PIANP: variants seen among roughly 807,000 people sequenced by gnomAD.
PIANP encodes the protein PILR alpha associated neural protein.
A neutral mutation model predicts 28.9 loss-of-function variants in PIANP; 14 were observed. The observed-to-expected ratio is 0.49, with a 90% confidence interval of 0.32 to 0.76. The LOEUF (loss-of-function observed/expected upper bound fraction) is 0.76, where lower values mean the gene tolerates loss of function less well. Among genes scored for constraint, PIANP ranks in the 30% least tolerant of loss-of-function variants. PIANP has a pLI of 0.03. For synonymous variants in PIANP, 149 were observed against 156.6 expected, an observed-to-expected ratio of 0.95 and a Z score of 0.36; for missense variants, 322 against 371.8, an observed-to-expected ratio of 0.87 and a Z score of 1.10.
chr12:6,694,995 C>T lies in PIANP; in HGVS notation c.*431G>A, dbSNP rs1249421544. 6.5e-7 allele frequency: 1 copy of T among 1,542,396 alleles called. No homozygotes were observed. Among genetic ancestry groups the T allele is most frequent in the Non-Finnish European group, 8.8e-7 (1 of 1,142,450 alleles). ...TCAGTGGGATGGGGGCTGTGCCGGCCCCTTGGCCTCCTGCTTGGCTGCACC... is the reference window on the plus strand; with the variant it reads ...TCAGTGGGATGGGGGCTGTGCCGGCTCCTTGGCCTCCTGCTTGGCTGCACC... On this transcript the variant is annotated 3_prime_UTR_variant, in exon 5 of 5. Coordinates refer to ENST00000534837, the MANE Select transcript of PIANP (RefSeq NM_001244014.2). The surrounding 1 kb of genome is among the most constrained non-coding windows in gnomAD (Gnocchi z 6.1).
chr12:6,698,942 G>A (rs182329449), intron 1 of PIANP, among the ~76,000 whole-genome samples: 345 of 152,272 alleles, frequency 2.3e-3, no homozygotes, highest in African/African-American at 7.8e-3. Context: ...TGTGGATTCT[G>A]GGTCTAAATC....
Position 6,697,591 on chromosome 12 carries a change from G to C in PIANP, c.219C>G (p.Val73=), listed in dbSNP as rs1182659549. 6.3e-7 allele frequency: 1 copy of C among 1,583,970 alleles called. No homozygotes were observed. The highest frequency in any genetic ancestry group is 1.1e-5 in the South Asian group (1 of 87,356). The change falls in exon 3 of 5, where the codon GTC becomes GTG. Residue 73 remains valine (V), a synonymous_variant. Coordinates refer to ENST00000534837, the MANE Select transcript of PIANP (RefSeq NM_001244014.2). This position sits in a 1 kb window ranked among gnomAD's most constrained non-coding sequence, Gnocchi z 6.9. The part of the protein sequence containing the change: ...RAPPPSRSPR[V]PRSRRQVLPG... ...GCAGGACTTGCCGACGTGATCTTGG[G>C]ACCCGAGGAGATCGGCTTGGTGGAG... is the stretch of plus-strand genomic sequence containing the variant.
At chr12:6,693,484 A>T (rs966403641), downstream of PIANP, among the ~76,000 whole-genome samples, 3 of 151,542 alleles carry the variant, frequency 2.0e-5, no homozygotes, top group Admixed American at 6.6e-5. Flanking sequence ...TCCACCTCCT[A>T]TCCTTCCATG....
In PIANP at chr12:6,694,178, G is replaced by A. The variant is rs1338670835; in HGVS notation, c.*1248C>T. On this transcript the variant is annotated 3_prime_UTR_variant, in exon 5 of 5. Transcript: ENST00000534837. The surrounding 1 kb of genome is among the most constrained non-coding windows in gnomAD (Gnocchi z 6.1). Reference sequence around the variant, plus strand: ...AGGGAGGACTGGCTCAGGGGGCTCTGAAGTCCAGAGAATGGCACACACACA... The same window carrying A: ...AGGGAGGACTGGCTCAGGGGGCTCTAAAGTCCAGAGAATGGCACACACACA... 1 of 153,788 alleles carries A rather than the reference G, an allele frequency of 6.5e-6. No individual in the cohort carries two copies. The highest frequency in any genetic ancestry group is 1.5e-5 in the Non-Finnish European group (1 of 68,342). The allele number at this position is 153,788 out of a possible 1,614,324, so 9.5% of individuals were successfully genotyped here. A position where few individuals can be genotyped will look rare whatever the true frequency, so the allele number is the denominator to read the frequency against.
At chr12:6,699,689 C>G (rs1003967498) in intron 1 of PIANP, among the ~76,000 whole-genome samples, 2 of 150,870 alleles carry the variant, frequency 1.3e-5, no homozygotes, top group South Asian at 4.2e-4. Flanking sequence ...GGGGGGAAAG[C>G]CCAGGATGGG....
rs373803747 is a variant in PIANP at position 6,695,422 on chromosome 12, G to T, written c.*4C>A. On this transcript the variant is annotated 3_prime_UTR_variant, in exon 5 of 5. Transcript: ENST00000534837. This position sits in a 1 kb window ranked among gnomAD's most constrained non-coding sequence, Gnocchi z 4.2. ...TTTGCCCTCCCATCCCATTGCCCCT[G>T]CCCTCACCGGTTCAACTGGAAGGCT... 9.7e-4 allele frequency: 1,443 copies of T among 1,491,352 alleles called. 16 individuals carry two copies. Among genetic ancestry groups the T allele is most frequent in the South Asian group, 8.3e-3 (582 of 69,886 alleles). The allele number at this position is 1,491,352 out of a possible 1,614,324, so 92.4% of individuals were successfully genotyped here. A position where few individuals can be genotyped will look rare whatever the true frequency, so the allele number is the denominator to read the frequency against.
In PIANP at chr12:6,696,325, C is replaced by T; in HGVS notation, c.605+118G>A. On this transcript the variant is annotated intron_variant, in intron 4 of 4. Transcript: ENST00000534837. The surrounding 1 kb of genome is among the most constrained non-coding windows in gnomAD (Gnocchi z 4.0). ...TTATCTTTTCCCAAGGTCTTGCCTT[C>T]ATCCAGCATTTCCCACCCACCCCCC... 1.4e-6 allele frequency: 1 copy of T among 692,036 alleles called. No individual in the cohort carries two copies. The highest frequency in any genetic ancestry group is 2.3e-5 in the South Asian group (1 of 43,416). The allele number at this position is 692,036 out of a possible 1,614,324, so 42.9% of individuals were successfully genotyped here. A position where few individuals can be genotyped will look rare whatever the true frequency, so the allele number is the denominator to read the frequency against.
Position 6,695,534 on chromosome 12 carries a change from G to T in PIANP, c.723C>A (p.Ala241=). 1 of 1,584,102 alleles carries T rather than the reference G, an allele frequency of 6.3e-7. No homozygotes were observed. The highest frequency in any genetic ancestry group is 8.6e-7 in the Non-Finnish European group (1 of 1,164,118). Residue 241 remains alanine (A), a synonymous_variant, in exon 5 of 5, where the codon GCC becomes GCA. Coordinates refer to ENST00000534837, the MANE Select transcript of PIANP (RefSeq NM_001244014.2). The surrounding 1 kb of genome is among the most constrained non-coding windows in gnomAD (Gnocchi z 4.2). Reference sequence around the variant, plus strand: ...GGGTGGGGGTAGGTGAGTCCCCGAAGGCCCCCAGCACAGTGACTCCAGCCG... The same window carrying T: ...GGGTGGGGGTAGGTGAGTCCCCGAATGCCCCCAGCACAGTGACTCCAGCCG... ...LSPAGVTVLG[A]FGDSPTPTPD...
Position 6,695,206 on chromosome 12 carries a change from T to C in PIANP, c.*220A>G. ...TGAGAAAAAACCAAAGAGGGCAGAG[T>C]TGGAGTTATGGGCAGCAGAGAATAG... is the stretch of plus-strand genomic sequence containing the variant. On this transcript the variant is annotated 3_prime_UTR_variant, in exon 5 of 5. Transcript: ENST00000534837. The surrounding 1 kb of genome is among the most constrained non-coding windows in gnomAD (Gnocchi z 4.2). 2.1e-6 allele frequency: 3 copies of C among 1,450,972 alleles called. No individual in the cohort carries two copies. The highest frequency in any genetic ancestry group is 2.7e-6 in the Non-Finnish European group (3 of 1,094,934). The allele number at this position is 1,450,972 out of a possible 1,614,324, so 89.9% of individuals were successfully genotyped here. A position where few individuals can be genotyped will look rare whatever the true frequency, so the allele number is the denominator to read the frequency against.
chr12:6,692,198 C>T (rs1208453748), downstream of PIANP, among the ~76,000 whole-genome samples: 2 of 152,190 alleles, frequency 1.3e-5, no homozygotes, highest in African/African-American at 4.8e-5. Context: ...CAGTACCTTG[C>T]TGGTGTATTT....
chr12:6,693,818 T>G lies in PIANP; in HGVS notation c.*1608A>C, dbSNP rs1959757654. On this transcript the variant is annotated 3_prime_UTR_variant, in exon 5 of 5. Coordinates refer to ENST00000534837, the MANE Select transcript of PIANP (RefSeq NM_001244014.2). Reference sequence around the variant, plus strand: ...TCTTGCAAAGGCTTTATTTGAAAATTTTGAAACTTACATCCCACAGTAATT... The same window carrying G: ...TCTTGCAAAGGCTTTATTTGAAAATGTTGAAACTTACATCCCACAGTAATT... The G allele has an allele frequency of 6.6e-6, 1 of 152,594 alleles. No homozygotes were observed. Among genetic ancestry groups the G allele is most frequent in the Non-Finnish European group, 1.5e-5 (1 of 68,056 alleles). 9.5% of individuals were successfully genotyped at this position (152,594 alleles called of 1,614,324 possible). A position where few individuals can be genotyped will look rare whatever the true frequency, so the allele number is the denominator to read the frequency against.
rs780349942 is a variant in PIANP at position 6,697,651 on chromosome 12, C to T, written c.159G>A (p.Ser53=). 29 of 1,551,388 alleles carry T rather than the reference C, an allele frequency of 1.9e-5. No homozygotes were observed. Among genetic ancestry groups the T allele is most frequent in the Admixed American group, 4.0e-5 (2 of 50,558 alleles). ...ARPPCARGGP[S]APRHVCVWER... ...CCCACACGCACACATGACGTGGGGCCGAGGGGCCTCCCCTGGCACACGGGG... is the reference window on the plus strand; with the variant it reads ...CCCACACGCACACATGACGTGGGGCTGAGGGGCCTCCCCTGGCACACGGGG... Residue 53 remains serine (S), a synonymous_variant, in exon 3 of 5, where the codon TCG becomes TCA. Coordinates refer to ENST00000534837, the MANE Select transcript of PIANP (RefSeq NM_001244014.2). This position sits in a 1 kb window ranked among gnomAD's most constrained non-coding sequence, Gnocchi z 6.9.
rs930212379 is a variant in PIANP, at chr12:6,696,583, C to T, written c.524-59G>A. ...CCGAGGTGGTAGGAGCCAAGAGGGGCTGGGGGCTGGGCTGTGGGCTCTGTC... is the reference window on the plus strand; with the variant it reads ...CCGAGGTGGTAGGAGCCAAGAGGGGTTGGGGGCTGGGCTGTGGGCTCTGTC... On this transcript the variant is annotated intron_variant, in intron 3 of 4. Transcript: ENST00000534837. This position sits in a 1 kb window ranked among gnomAD's most constrained non-coding sequence, Gnocchi z 4.0. 5 of 1,287,442 alleles carry T rather than the reference C, an allele frequency of 3.9e-6. No individual in the cohort carries two copies. The highest frequency in any genetic ancestry group is 1.5e-5 in the South Asian group (1 of 65,966). The allele number at this position is 1,287,442 out of a possible 1,614,324, so 79.8% of individuals were successfully genotyped here.
Position 6,697,718 on chromosome 12 carries a change from C to T in PIANP, c.92G>A (p.Gly31Asp), listed in dbSNP as rs1192470261. 6.4e-7 allele frequency: 1 copy of T among 1,557,364 alleles called. No homozygotes were observed. Among genetic ancestry groups the T allele is most frequent in the Non-Finnish European group, 8.7e-7 (1 of 1,153,158 alleles). Residue 31 changes from glycine to aspartate, a missense_variant, in exon 3 of 5, where the codon GGC becomes GAC. Physicochemically the swap from Gly to Asp is moderately conservative, Grantham distance 94. Transcript: ENST00000534837. This position sits in a 1 kb window ranked among gnomAD's most constrained non-coding sequence, Gnocchi z 6.9. Reference sequence around the variant, plus strand: ...TGGGGTTCGAGGGGAGGATGAAGAGCCCTGAGCAGGCGGTGGGAGGGGCAG... The same window carrying T: ...TGGGGTTCGAGGGGAGGATGAAGAGTCCTGAGCAGGCGGTGGGAGGGGCAG... ...LLLPLPPPAQ[G>D]SSSSPRTPPA...
rs1959812261 is a variant in PIANP, at chr12:6,695,151, G to C, written c.*275C>G. Reference sequence around the variant, plus strand: ...GACAAAGAGGGGGAATCAAGGTTAAGAGGGCAGAGTTGTCTTAGACAAGGT... The same window carrying C: ...GACAAAGAGGGGGAATCAAGGTTAACAGGGCAGAGTTGTCTTAGACAAGGT... On this transcript the variant is annotated 3_prime_UTR_variant, in exon 5 of 5. Coordinates refer to ENST00000534837, the MANE Select transcript of PIANP (RefSeq NM_001244014.2). This position sits in a 1 kb window ranked among gnomAD's most constrained non-coding sequence, Gnocchi z 4.2. 1 of 1,508,572 alleles carries C rather than the reference G, an allele frequency of 6.6e-7. No homozygotes were observed. The highest frequency in any genetic ancestry group is 1.4e-5 in the African/African-American group (1 of 71,934). 93.4% of individuals were successfully genotyped at this position (1,508,572 alleles called of 1,614,324 possible).
In PIANP at chr12:6,696,405, C is replaced by A; in HGVS notation, c.605+38G>T. On this transcript the variant is annotated intron_variant, in intron 4 of 4. Transcript: ENST00000534837. This position sits in a 1 kb window ranked among gnomAD's most constrained non-coding sequence, Gnocchi z 4.0. ...TTAGAGCCTCGACTGCCAAACATTCCGTCCCCATCCACCAGCACCTTCCTC... is the reference window on the plus strand; with the variant it reads ...TTAGAGCCTCGACTGCCAAACATTCAGTCCCCATCCACCAGCACCTTCCTC... 1 of 1,504,422 alleles carries A rather than the reference C, an allele frequency of 6.6e-7. No individual in the cohort carries two copies. The highest frequency in any genetic ancestry group is 9.0e-7 in the Non-Finnish European group (1 of 1,111,330). The allele number at this position is 1,504,422 out of a possible 1,614,324, so 93.2% of individuals were successfully genotyped here.
Position 6,696,346 on chromosome 12 carries a change from C to G in PIANP, c.605+97G>C. On this transcript the variant is annotated intron_variant, in intron 4 of 4. Coordinates refer to ENST00000534837, the MANE Select transcript of PIANP (RefSeq NM_001244014.2). This position sits in a 1 kb window ranked among gnomAD's most constrained non-coding sequence, Gnocchi z 4.0. The stretch of plus-strand genomic sequence containing the variant: ...CCTTCATCCAGCATTTCCCACCCAC[C>G]CCCCAGCAAAATTGCTGCCACTGCC... 1.1e-6 allele frequency: 1 copy of G among 906,878 alleles called. No individual in the cohort carries two copies. Among genetic ancestry groups the G allele is most frequent in the Non-Finnish European group, 1.6e-6 (1 of 620,786 alleles). The allele number at this position is 906,878 out of a possible 1,614,324, so 56.2% of individuals were successfully genotyped here.
At position 6,696,197 on chromosome 12, in the gene PIANP, G is replaced by A. The variant is rs2137706383; in HGVS notation, c.605+246C>T. ...AGTAGGGGCAGGGGAGGCTCACCAGGAATGCACAGGAATAATTCCCCTGCC... is the reference window on the plus strand; with the variant it reads ...AGTAGGGGCAGGGGAGGCTCACCAGAAATGCACAGGAATAATTCCCCTGCC... On this transcript the variant is annotated intron_variant, in intron 4 of 4. Coordinates refer to ENST00000534837, the MANE Select transcript of PIANP (RefSeq NM_001244014.2). The surrounding 1 kb of genome is among the most constrained non-coding windows in gnomAD (Gnocchi z 4.0). Among the ~76,000 whole-genome samples, 1 of 152,260 alleles carries A rather than the reference G, an allele frequency of 6.6e-6. No individual in the cohort carries two copies. Among genetic ancestry groups the A allele is most frequent in the African/African-American group, 2.4e-5 (1 of 41,554 alleles).
At position 6,697,420 on chromosome 12, in the gene PIANP, A is replaced by G. The variant is rs1435010721; in HGVS notation, c.390T>C (p.Tyr130=). 1 of 1,614,060 alleles carries G rather than the reference A, an allele frequency of 6.2e-7. No individual in the cohort carries two copies. The highest frequency in any genetic ancestry group is 8.5e-7 in the Non-Finnish European group (1 of 1,179,892). ...PNSANPGFLD[Y]GFAAPHGLAT... ...CGAGCCCATGAGGGGCTGCAAAACC[A>G]TAGTCCAGAAATCCGGGATTGGCAG... The change falls in exon 3 of 5, where the codon TAT becomes TAC. Residue 130 remains tyrosine, a synonymous_variant. Coordinates refer to ENST00000534837, the MANE Select transcript of PIANP (RefSeq NM_001244014.2). The surrounding 1 kb of genome is among the most constrained non-coding windows in gnomAD (Gnocchi z 6.9).
Sources: gnomAD v4.1 joint callset for allele counts (sites outside exome capture counted in the v4.1 genomes callset) on GRCh38, gnomAD v4.1.1 for gene constraint, Gnocchi (gnomAD v3.1) non-coding constraint, MANE v1.5 for transcripts, NCBI Gene and HGNC (gene_info 2026-07-23, HGNC 2026-07-21) for gene names.